SLC5A4: variants seen among roughly 807,000 people sequenced by gnomAD.
SLC5A4 encodes probable glucose sensor protein SLC5A4.
SLC5A4 carries 55 observed loss-of-function variants against 70.3 expected under a neutral mutation model. The observed-to-expected ratio is 0.78, with a 90% CI of 0.63 to 0.98. SLC5A4 has a LOEUF of 0.98. SLC5A4 is among the 50% of genes least tolerant of loss of function. The probability of loss-of-function intolerance (pLI) is 0.00; values close to 1 mark genes in which losing one functional copy is unlikely to be tolerated. For synonymous variants in SLC5A4, 268 were observed against 305.7 expected, an observed-to-expected ratio of 0.88 and a Z score of 1.29; for missense variants, 735 against 839.2, an observed-to-expected ratio of 0.88 and a Z score of 1.53.
chr22:32,335,904 C>A, the SLC5A4 span, among the ~76,000 whole-genome samples: 1 of 152,216 alleles, frequency 6.6e-6, no homozygotes, highest in Non-Finnish European at 1.5e-5. Context: ...AGCCCACGGG[C>A]AAGCCTCGGT....
In SLC5A4 at chr22:32,220,954, TTTCTC is replaced by T. The variant is rs752389187; in HGVS notation, c.1729_1733del (p.Glu577LysfsTer7). On this transcript the variant is annotated frameshift_variant, in exon 14 of 15. Transcript: ENST00000266086. LOFTEE classifies it low-confidence loss of function (END_TRUNC). ...CACCATCATCTGTTTCTTCCTGACTTTTCTCTTCTGCATCTATATCGATTCGCTCC... is the reference window on the plus strand; with the variant it reads ...CACCATCATCTGTTTCTTCCTGACTTTTCTGCATCTATATCGATTCGCTCC... 1.5e-5 allele frequency: 24 copies of T among 1,613,770 alleles called. No homozygotes were observed. The Admixed American group carries it at 3.7e-4, about 25-fold the overall frequency.
intron 5 of SLC5A4, among the ~76,000 whole-genome samples, chr22:32,239,544 A>ATT (rs1926297847): frequency 4.0e-4 from 5 of 12,616 alleles, no homozygotes; most frequent in South Asian, 1.9e-3. Flanking sequence ...ATATATATAT[A>ATT]TATATATATA....
chr22:32,348,676 G>GAT, the SLC5A4 span, among the ~76,000 whole-genome samples: 43 of 152,116 alleles, frequency 2.8e-4, no homozygotes, highest in Non-Finnish European at 4.9e-4. Flanking sequence ...TATAAGGTAA[G>GAT]ATTTTCGTAA....
the SLC5A4 span, among the ~76,000 whole-genome samples, chr22:32,333,729 A>G: frequency 6.6e-6 from 1 of 151,896 alleles, no homozygotes; most frequent in East Asian, 1.9e-4. Context: ...GTAAACATCC[A>G]CAATACACAC....
chr22:32,262,168 T>C, the SLC5A4 span, among the ~76,000 whole-genome samples: 1 of 152,254 alleles, frequency 6.6e-6, no homozygotes, highest in African/African-American at 2.4e-5. Flanking sequence ...AGTGATTTTC[T>C]TTCTTTTGGA....
the SLC5A4 span, among the ~76,000 whole-genome samples, chr22:32,328,913 T>C: frequency 4.6e-5 from 7 of 152,196 alleles, no homozygotes; most frequent in Admixed American, 3.3e-4. Flanking sequence ...CACACCCCAG[T>C]GATGGGGAGC....
chr22:32,235,032 G>A lies in SLC5A4; in HGVS notation c.726C>T (p.Ser242=), dbSNP rs749573452. 116 of 1,613,634 alleles carry A rather than the reference G, an allele frequency of 7.2e-5. No individual in the cohort carries two copies. Among genetic ancestry groups the A allele is most frequent in the Non-Finnish European group, 8.9e-5 (105 of 1,179,928 alleles). ...TTGTCAAGTTGTCCCCCTCGACTAC[G>A]GATGGGGTGGCATTCACGTACTTCT... The part of the protein sequence containing the change: ...FTEKYVNATP[S]VVEGDNLTIS... The change falls in exon 8 of 15, where the codon TCC becomes TCT. Residue 242 remains serine (S), a synonymous_variant. Coordinates refer to ENST00000266086, the MANE Select transcript of SLC5A4 (RefSeq NM_014227.3).
At chr22:32,241,631 G>A (rs1400632201) in intron 5 of SLC5A4, among the ~76,000 whole-genome samples, 4 of 152,056 alleles carry the variant, frequency 2.6e-5, no homozygotes, top group Admixed American at 2.0e-4. Context: ...GATCACTTGA[G>A]GTCATTTGTC....
At chr22:32,290,600 C>T in the SLC5A4 span, among the ~76,000 whole-genome samples, 1,068 of 152,194 alleles carry the variant, frequency 7.0e-3, 11 homozygotes, top group Non-Finnish European at 6.0e-3. Context: ...TGACAAAATA[C>T]CTCAGACTCG....
At chr22:32,346,248 A>C in the SLC5A4 span, among the ~76,000 whole-genome samples, 1 of 152,232 alleles carries the variant, frequency 6.6e-6, no homozygotes, top group Non-Finnish European at 1.5e-5. Context: ...TTCCTAGTAC[A>C]TAATTGTTTT....
chr22:32,313,681 G>A, the SLC5A4 span, among the ~76,000 whole-genome samples: 2 of 152,184 alleles, frequency 1.3e-5, no homozygotes, highest in African/African-American at 4.8e-5. Context: ...GAACCCCACT[G>A]CCCTGTGTCT....
chr22:32,320,271 G>C, the SLC5A4 span, among the ~76,000 whole-genome samples: 814 of 152,290 alleles, frequency 5.3e-3, 22 homozygotes, highest in Admixed American at 0.048. Context: ...ACTGCTGGTG[G>C]GGGGGATGCT....
At chr22:32,322,982 T>A in the SLC5A4 span, among the ~76,000 whole-genome samples, 8 of 152,214 alleles carry the variant, frequency 5.3e-5, no homozygotes, top group African/African-American at 1.9e-4. Flanking sequence ...TGTGTTCACC[T>A]CTTAGCTCTT....
At chr22:32,331,181 ATGTGTTGGGGGCTCTGGTGTG>A in the SLC5A4 span, among the ~76,000 whole-genome samples, 1 of 56,654 alleles carries the variant, frequency 1.8e-5, no homozygotes, top group East Asian at 6.3e-4. Context: ...GCTCTGGTGT[ATGTGTTGGGGGCTCTGGTGTG>A]TGTATTGGGG....
chr22:32,322,173 T>C, the SLC5A4 span, among the ~76,000 whole-genome samples: 2 of 152,280 alleles, frequency 1.3e-5, no homozygotes, highest in South Asian at 4.1e-4. Context: ...CCTGGCTGAC[T>C]CGACCATGAG....
intron 14 of SLC5A4, among the ~76,000 whole-genome samples, chr22:32,220,001 T>C (rs138463217): frequency 6.7e-6 from 1 of 150,094 alleles, no homozygotes; most frequent in African/African-American, 2.5e-5. Flanking sequence ...CTATAGCCAT[T>C]ATATAAATTT....
chr22:32,264,468 G>C, the SLC5A4 span, among the ~76,000 whole-genome samples: 1 of 152,008 alleles, frequency 6.6e-6, no homozygotes, highest in African/African-American at 2.4e-5. Flanking sequence ...CCAGCTTCTT[G>C]GGAGGCTCAG....
At chr22:32,335,368 TGTGA>T in the SLC5A4 span, among the ~76,000 whole-genome samples, 5 of 152,150 alleles carry the variant, frequency 3.3e-5, no homozygotes, top group African/African-American at 1.2e-4. Flanking sequence ...CTAGACAAGC[TGTGA>T]GTAAGCCCTG....
At chr22:32,305,067 T>G in the SLC5A4 span, among the ~76,000 whole-genome samples, 848 of 152,344 alleles carry the variant, frequency 5.6e-3, 9 homozygotes, top group African/African-American at 0.019. Flanking sequence ...CTATATATTC[T>G]GTTCATTGTC....
Sources: allele counts gnomAD v4.1 joint callset (sites outside exome capture counted in the v4.1 genomes callset), GRCh38; gene constraint gnomAD v4.1.1; transcripts MANE v1.5; gene names NCBI Gene and HGNC (gene_info 2026-07-23, HGNC 2026-07-21).